RNF135: variants seen among roughly 807,000 people sequenced by gnomAD.
RNF135 encodes the protein ring finger protein 135, also known as E3 ubiquitin-protein ligase RNF135.
RNF135 carries 46 observed loss-of-function variants against 41.9 expected under a neutral mutation model. The ratio of observed to expected loss-of-function variants is 1.10; its 90% CI spans 0.87 to 1.40. RNF135 has a LOEUF of 1.40. Among genes scored for constraint, RNF135 ranks in the 40% most tolerant of loss-of-function variants. The probability of loss-of-function intolerance (pLI) is 0.00; values close to 1 mark genes in which losing one functional copy is unlikely to be tolerated. For missense variants in RNF135, 539 were observed against 549.8 expected, an observed-to-expected ratio of 0.98 and a Z score of 0.20; for synonymous variants, 238 against 223.8, an observed-to-expected ratio of 1.06 and a Z score of -0.57.
At chr17:30,960,251 CTG>C in the RNF135 span, among the ~76,000 whole-genome samples, 20 of 151,350 alleles carry the variant, frequency 1.3e-4, no homozygotes, top group Non-Finnish European at 2.8e-4. Flanking sequence ...AATTAGCTGA[CTG>C]TGGTGGCACG....
Position 30,999,243 on chromosome 17 carries a change from T to C in RNF135, c.*52T>C. ...GGTTTCCTGGTCTCTCTCCCTGTCA[T>C]CAATCAGGGTAGTAACTTGACTTAA... On this transcript the variant is annotated 3_prime_UTR_variant, in exon 5 of 5. Transcript: ENST00000328381. 2 of 1,568,952 alleles carry C rather than the reference T, an allele frequency of 1.3e-6. No homozygotes were observed. The highest frequency in any genetic ancestry group is 1.7e-6 in the Non-Finnish European group (2 of 1,148,160).
chr17:30,979,317 C>G (rs1347378795), intron 1 of RNF135: 1 of 124,824 alleles, frequency 8.0e-6, no homozygotes, highest in African/African-American at 3.3e-5. Context: ...GGCGGCCGGG[C>G]AGAGGCGCCC....
intron 1 of RNF135, among the ~76,000 whole-genome samples, chr17:30,981,381 G>A (rs923961861): frequency 8.1e-5 from 9 of 110,912 alleles, no homozygotes; most frequent in Non-Finnish European, 4.4e-5. Flanking sequence ...GGAGAGCGTG[G>A]TGATGACTCT....
At chr17:30,993,705 T>TA (rs889406654) in intron 3 of RNF135, 13,010 of 573,072 alleles carry the variant, frequency 0.023, no homozygotes, top group Non-Finnish European at 0.025. Flanking sequence ...AGTGTTAATT[T>TA]AAAAAAAAAA....
At chr17:30,965,785 T>G in the RNF135 span, among the ~76,000 whole-genome samples, 1 of 152,222 alleles carries the variant, frequency 6.6e-6, no homozygotes, top group Non-Finnish European at 1.5e-5. Flanking sequence ...AGGGGATGGA[T>G]GCTGCTGATT....
chr17:30,971,177 C>T lies in RNF135; in HGVS notation c.104C>T (p.Pro35Leu). The T allele has an allele frequency of 6.5e-7, 1 of 1,528,108 alleles. No homozygotes were observed. The highest frequency in any genetic ancestry group is 2.5e-5 in the East Asian group (1 of 40,084). 94.7% of individuals were successfully genotyped at this position (1,528,108 alleles called of 1,614,324 possible). A position where few individuals can be genotyped will look rare whatever the true frequency, so the allele number is the denominator to read the frequency against. Residue 35 changes from proline to leucine, a missense_variant, in exon 1 of 5, where the codon CCC becomes CTC. Coordinates refer to ENST00000328381, the MANE Select transcript of RNF135 (RefSeq NM_032322.4). ...QGLLDWPATLPCGHSFCRHCL... is the reference protein window; with the variant it reads ...QGLLDWPATLLCGHSFCRHCL... ...CTGCTGGACTGGCCCGCCACGCTGC[C>T]CTGCGGCCACAGCTTCTGCCGCCAC...
intron 1 of RNF135, among the ~76,000 whole-genome samples, chr17:30,974,883 A>G (rs7224572): frequency 0.2 from 30,657 of 151,824 alleles, 9,788 homozygotes; most frequent in African/African-American, 0.68. Context: ...TCACCATGTT[A>G]GCTAGGCTGG....
At chr17:30,995,948 G>A (rs1908324584) in intron 3 of RNF135, among the ~76,000 whole-genome samples, 1 of 151,608 alleles carries the variant, frequency 6.6e-6, no homozygotes. Flanking sequence ...GTGTGTGTGT[G>A]TATTTTTTAG....
At chr17:30,962,136 CT>C in the RNF135 span, among the ~76,000 whole-genome samples, 150 of 145,914 alleles carry the variant, frequency 1.0e-3, no homozygotes, top group African/African-American at 3.1e-3. Flanking sequence ...CTATGCTGCA[CT>C]TTTTTTTTTT....
At chr17:30,973,490 C>T (rs1213972542) in intron 1 of RNF135, among the ~76,000 whole-genome samples, 1 of 148,508 alleles carries the variant, frequency 6.7e-6, no homozygotes, top group Admixed American at 6.7e-5. Context: ...TTTTTTGAAA[C>T]GAGGTCTCGC....
chr17:30,965,905 G>GT, the RNF135 span, among the ~76,000 whole-genome samples: 3 of 152,092 alleles, frequency 2.0e-5, no homozygotes, highest in East Asian at 5.8e-4. Context: ...TCCTGGTGGC[G>GT]TAAGTCTGGA....
Position 30,999,596 on chromosome 17 carries a change from A to C in RNF135, c.*405A>C, listed in dbSNP as rs1598107409. 1.3e-5 allele frequency: 3 copies of C among 225,702 alleles called. No homozygotes were observed. In the South Asian group the frequency reaches 2.0e-4, roughly 15 times the overall value. The allele number at this position is 225,702 out of a possible 1,614,324, so 14.0% of individuals were successfully genotyped here. ...TTTACCTGTGGGCCTTGGGCCATGC[A>C]GTATCAGCTTGACCTTGCAAGGTCA... On this transcript the variant is annotated 3_prime_UTR_variant, in exon 5 of 5. Coordinates refer to ENST00000328381, the MANE Select transcript of RNF135 (RefSeq NM_032322.4).
the RNF135 span, among the ~76,000 whole-genome samples, chr17:30,962,063 G>C: frequency 9.9e-5 from 15 of 152,046 alleles, no homozygotes; most frequent in East Asian, 2.7e-3. Context: ...TCCTCTCTCT[G>C]AGTGTGCTGC....
At chr17:30,975,809 G>C in intron 1 of RNF135, 2 of 1,013,938 alleles carry the variant, frequency 2.0e-6, no homozygotes, top group South Asian at 1.3e-5. Flanking sequence ...GGTCCCTGCA[G>C]ATGACTTCGT....
the RNF135 span, among the ~76,000 whole-genome samples, chr17:30,960,562 G>T: frequency 6.6e-6 from 1 of 151,882 alleles, no homozygotes; most frequent in Non-Finnish European, 1.5e-5. Flanking sequence ...CTCTGCTTCA[G>T]CAAAGAACAG....
At chr17:30,967,962 G>A (rs936307573), upstream of RNF135, among the ~76,000 whole-genome samples, 2 of 151,930 alleles carry the variant, frequency 1.3e-5, no homozygotes, top group Admixed American at 1.3e-4. Flanking sequence ...ACCGCACTCG[G>A]CCAAGAATGA....
chr17:30,996,981 G>A (rs1908392065), intron 3 of RNF135, among the ~76,000 whole-genome samples: 1 of 152,164 alleles, frequency 6.6e-6, no homozygotes. Context: ...TTGGTGCTTA[G>A]AACATATAGA....
rs199960724 is a variant in RNF135 at position 30,971,619 on chromosome 17, A to G, written c.372+174A>G. The G allele has an allele frequency of 2.4e-5, 33 of 1,352,368 alleles. No individual in the cohort carries two copies. In the East Asian group the frequency reaches 9.8e-4, roughly 40 times the overall value. 83.8% of individuals were successfully genotyped at this position (1,352,368 alleles called of 1,614,324 possible). On this transcript the variant is annotated intron_variant, in intron 1 of 4. Transcript: ENST00000328381. Reference sequence around the variant, plus strand: ...ACTTTGGAAAGTTCATAAAAGTATGAAGAAGTAGAAAAAAACAAATTCCCC... The same window carrying G: ...ACTTTGGAAAGTTCATAAAAGTATGGAGAAGTAGAAAAAAACAAATTCCCC...
the RNF135 span, among the ~76,000 whole-genome samples, chr17:30,961,116 T>A: frequency 3.3e-5 from 5 of 152,204 alleles, no homozygotes; most frequent in Admixed American, 2.0e-4. Flanking sequence ...TGTGTCAATA[T>A]GTCTTTCCTT....
Sources: gnomAD v4.1 joint callset for allele counts (sites outside exome capture counted in the v4.1 genomes callset) on GRCh38, gnomAD v4.1.1 for gene constraint, MANE v1.5 for transcripts, NCBI Gene and HGNC (gene_info 2026-07-23, HGNC 2026-07-21) for gene names.